THUMPD2: variants seen among roughly 807,000 people sequenced by gnomAD.
THUMPD2 encodes THUMP domain 2 tRNA and snRNA guanosine methyltransferase.
Under a neutral mutation model 49.4 loss-of-function variants are expected in THUMPD2, and 56 were observed. That is an observed-to-expected ratio of 1.13 (90% CI 0.91 to 1.41). The LOEUF is 1.41. Among genes scored for constraint, THUMPD2 ranks in the 40% most tolerant of loss-of-function variants. THUMPD2 has a pLI of 0.00. For missense variants in THUMPD2, 709 were observed against 594.5 expected, an observed-to-expected ratio of 1.19 and a Z score of -2.00; for synonymous variants, 237 against 205.2, an observed-to-expected ratio of 1.15 and a Z score of -1.32.
chr2:39,746,344 A>G (rs1303360427), intron 8 of THUMPD2, among the ~76,000 whole-genome samples: 1 of 152,176 alleles, frequency 6.6e-6, no homozygotes, highest in Non-Finnish European at 1.5e-5. Flanking sequence ...TAGCATCAGT[A>G]TCATCTGGAA....
chr2:39,750,473 A>C (rs1168811152), intron 8 of THUMPD2, among the ~76,000 whole-genome samples: 1 of 152,158 alleles, frequency 6.6e-6, no homozygotes, highest in African/African-American at 2.4e-5. Flanking sequence ...TTGTTAGGCC[A>C]AGGCGGGTGG....
In THUMPD2 at chr2:39,769,908, ATTCTC is replaced by A. The variant is rs1347103398; in HGVS notation, c.469_473del (p.Glu157Ter). 1 of 1,592,352 alleles carries A rather than the reference ATTCTC, an allele frequency of 6.3e-7. No individual in the cohort carries two copies. Among genetic ancestry groups the A allele is most frequent in the Non-Finnish European group, 8.5e-7 (1 of 1,174,564 alleles). On this transcript the variant is annotated frameshift_variant, in exon 3 of 10. Transcript: ENST00000505747. LOFTEE classifies it high-confidence loss of function. ...TTTGTTTTTCCAGCTGGCAGTCCCT[ATTCTC>A]TTCTATCTTTTGCATTTGTTCTATT... is the stretch of plus-strand genomic sequence containing the variant.
intron 8 of THUMPD2, among the ~76,000 whole-genome samples, chr2:39,747,294 C>A (rs755807187): frequency 6.6e-6 from 1 of 152,066 alleles, no homozygotes; most frequent in Non-Finnish European, 1.5e-5. Flanking sequence ...TAGATTATGA[C>A]CTTCTCTCGT....
At chr2:39,753,046 C>A (rs1156512536) in intron 8 of THUMPD2, among the ~76,000 whole-genome samples, 1 of 152,150 alleles carries the variant, frequency 6.6e-6, no homozygotes, top group African/African-American at 2.4e-5. Flanking sequence ...TTCATTTGAT[C>A]TTTCTCTTTA....
chr2:39,776,311 A>C (rs1348173492), intron 1 of THUMPD2, among the ~76,000 whole-genome samples: 1 of 152,160 alleles, frequency 6.6e-6, no homozygotes, highest in Non-Finnish European at 1.5e-5. Context: ...CAAGTTCTAG[A>C]TAAAACTTAC....
At chr2:39,751,251 T>G in intron 8 of THUMPD2, among the ~76,000 whole-genome samples, 1 of 152,182 alleles carries the variant, frequency 6.6e-6, no homozygotes, top group Admixed American at 6.5e-5. Flanking sequence ...AACAAACCAG[T>G]ATGAAAGAAA....
At chr2:39,763,025 T>A (rs561068577) in intron 5 of THUMPD2, among the ~76,000 whole-genome samples, 1 of 152,090 alleles carries the variant, frequency 6.6e-6, no homozygotes, top group East Asian at 1.9e-4. Context: ...CCCCATTATA[T>A]CAGTATAACA....
Position 39,768,463 on chromosome 2 carries a change from G to C in THUMPD2, c.711C>G (p.His237Gln), listed in dbSNP as rs1212210020. The C allele has an allele frequency of 1.2e-6, 2 of 1,612,960 alleles. No homozygotes were observed. Among genetic ancestry groups the C allele is most frequent in the Admixed American group, 1.7e-5 (1 of 59,906 alleles). ...GKVIGIAIMK[H>Q]FGWKADLRNP... ...TCCTCAAGTCTGCTTTCCATCCAAA[G>C]TGTTTCATAATAGCAATTCCAATTA... The change falls in exon 4 of 10, where the codon CAC (histidine) becomes CAG (glutamine). Residue 237 changes from histidine to glutamine, a missense_variant. Coordinates refer to ENST00000505747, the MANE Select transcript of THUMPD2 (RefSeq NM_025264.5).
intron 5 of THUMPD2, among the ~76,000 whole-genome samples, chr2:39,762,301 C>T (rs1173998844): frequency 6.6e-6 from 1 of 152,050 alleles, no homozygotes; most frequent in Admixed American, 6.6e-5. Flanking sequence ...TTCTTCAAAC[C>T]CTCCTTAAGG....
chr2:39,774,458 C>T (rs193181767), intron 1 of THUMPD2, among the ~76,000 whole-genome samples: 3 of 152,156 alleles, frequency 2.0e-5, no homozygotes, highest in Non-Finnish European at 2.9e-5. Flanking sequence ...ATTATACATC[C>T]TTTTGCTTGA....
At chr2:39,775,918 C>T (rs1390194528) in intron 1 of THUMPD2, among the ~76,000 whole-genome samples, 1 of 152,010 alleles carries the variant, frequency 6.6e-6, no homozygotes, top group Non-Finnish European at 1.5e-5. Flanking sequence ...GACTGTGATG[C>T]CACCATTAAA....
chr2:39,757,246 AC>A, intron 6 of THUMPD2: 1 of 520,974 alleles, frequency 1.9e-6, no homozygotes, highest in Non-Finnish European at 3.6e-6. Context: ...GCAGGAACGT[AC>A]CCCACTGTCA....
intron 8 of THUMPD2, 155 bp from the exon 9 acceptor site, chr2:39,744,633 T>C (rs911387771): frequency 3.3e-5 from 16 of 481,890 alleles, no homozygotes; most frequent in African/African-American, 3.1e-4. Flanking sequence ...GATCCCAAAA[T>C]GCTTTCACAA....
chr2:39,770,480 T>A (rs953439229), intron 2 of THUMPD2, among the ~76,000 whole-genome samples: 4 of 152,052 alleles, frequency 2.6e-5, no homozygotes, highest in African/African-American at 9.7e-5. Context: ...CCTATAAAAA[T>A]TAAGTTTTTA....
chr2:39,738,119 G>GA (rs1055197748), intron 9 of THUMPD2, among the ~76,000 whole-genome samples: 3 of 152,174 alleles, frequency 2.0e-5, no homozygotes, highest in Non-Finnish European at 4.4e-5. Context: ...GTTGAGAAGA[G>GA]AAAATGGGAC....
At position 39,755,279 on chromosome 2, in the gene THUMPD2, A is replaced by G; in HGVS notation, c.1078+16T>C. 6.9e-7 allele frequency: 1 copy of G among 1,442,150 alleles called. No individual in the cohort carries two copies. The highest frequency in any genetic ancestry group is 9.4e-7 in the Non-Finnish European group (1 of 1,065,580). The allele number at this position is 1,442,150 out of a possible 1,614,324, so 89.3% of individuals were successfully genotyped here. On this transcript the variant is annotated intron_variant, in intron 8 of 9. Transcript: ENST00000505747. ...TTGTTCCTTTTCTCAATTGTTTTGC[A>G]TTTTTAGTATCTTACCTATAACAGA...
intron 3 of THUMPD2, chr2:39,769,145 CA>C: frequency 8.0e-7 from 1 of 1,253,382 alleles, no homozygotes; most frequent in Non-Finnish European, 1.1e-6. Flanking sequence ...AGAGAAACCC[CA>C]AAAGCTGAGG....
intron 8 of THUMPD2, among the ~76,000 whole-genome samples, chr2:39,753,486 GTTCTCTATACTGGTGA>G (rs1675687730): frequency 6.6e-6 from 1 of 152,046 alleles, no homozygotes; most frequent in Non-Finnish European, 1.5e-5. Flanking sequence ...GAAACTAAAT[GTTCTCTATACTGGTGA>G]TTCTCTATAC....
At chr2:39,751,117 T>A (rs896426383) in intron 8 of THUMPD2, among the ~76,000 whole-genome samples, 1 of 152,264 alleles carries the variant, frequency 6.6e-6, no homozygotes, top group Admixed American at 6.5e-5. Flanking sequence ...CATTTCCCTC[T>A]GATTTCCCAA....
Sources: allele counts gnomAD v4.1 joint callset (sites outside exome capture counted in the v4.1 genomes callset), GRCh38; gene constraint gnomAD v4.1.1; transcripts MANE v1.5; gene names NCBI Gene and HGNC (gene_info 2026-07-23, HGNC 2026-07-21).